TLCD4: variants seen among roughly 807,000 people sequenced by gnomAD.
TLCD4 encodes TLC domain containing 4, also known as TLC domain-containing protein 4.
Under a neutral mutation model 24.2 loss-of-function variants are expected in TLCD4, and 7 were observed. The observed-to-expected ratio is 0.29, with a 90% CI of 0.16 to 0.54. TLCD4 has a LOEUF of 0.54. Ranked by LOEUF, TLCD4 falls within the 20% of genes least tolerant of loss-of-function variation. The probability of loss-of-function intolerance (pLI) is 0.95; values close to 1 mark genes in which losing one functional copy is unlikely to be tolerated. For synonymous variants in TLCD4, 103 were observed against 106.4 expected, an observed-to-expected ratio of 0.97 and a Z score of 0.20; for missense variants, 259 against 313.9, an observed-to-expected ratio of 0.82 and a Z score of 1.32.
upstream of TLCD4, among the ~76,000 whole-genome samples, chr1:95,114,095 T>C (rs1217531649): frequency 2.0e-5 from 3 of 152,236 alleles, no homozygotes; most frequent in Non-Finnish European, 2.9e-5. Context: ...GGTCTCACTC[T>C]GTTACCCAGG....
chr1:95,185,169 CTCCTT>C (rs1678787899), intron 6 of TLCD4, among the ~76,000 whole-genome samples: 1 of 151,940 alleles, frequency 6.6e-6, no homozygotes. Context: ...ATGTCTGACT[CTCCTT>C]TCAAAAAACT....
chr1:95,162,450 T>C (rs936649320), intron 5 of TLCD4, among the ~76,000 whole-genome samples: 1 of 151,568 alleles, frequency 6.6e-6, no homozygotes, highest in Non-Finnish European at 1.5e-5. Flanking sequence ...CTTGACTCTT[T>C]ATCCAATTTG....
At chr1:95,169,010 GTC>G (rs1483094655) in intron 5 of TLCD4, among the ~76,000 whole-genome samples, 1 of 152,230 alleles carries the variant, frequency 6.6e-6, no homozygotes, top group African/African-American at 2.4e-5. Context: ...GAGCTGTGCA[GTC>G]TGGGGTGGGT....
At chr1:95,112,941 C>T (rs1483142801), upstream of TLCD4, among the ~76,000 whole-genome samples, 1 of 152,072 alleles carries the variant, frequency 6.6e-6, no homozygotes, top group African/African-American at 2.4e-5. Context: ...GTCTTAAACT[C>T]CTGACCTCAA....
chr1:95,114,142 C>T (rs1020815973), upstream of TLCD4, among the ~76,000 whole-genome samples: 6 of 152,196 alleles, frequency 3.9e-5, no homozygotes, highest in Non-Finnish European at 7.3e-5. Flanking sequence ...TCACTGCAGC[C>T]TCCAACTCCT....
intron 5 of TLCD4, among the ~76,000 whole-genome samples, chr1:95,173,081 A>G (rs1000217721): frequency 1.1e-4 from 17 of 152,360 alleles, no homozygotes; most frequent in African/African-American, 4.1e-4. Flanking sequence ...ATTTAGCTCC[A>G]GGATCTTCTG....
chr1:95,112,564 T>C (rs1676360588), upstream of TLCD4, among the ~76,000 whole-genome samples: 1 of 152,214 alleles, frequency 6.6e-6, no homozygotes, highest in African/African-American at 2.4e-5. Context: ...GAGTGGGAAC[T>C]AGAAAGGCAT....
chr1:95,097,488 GGTTTGTATC>G, the TLCD4 span, among the ~76,000 whole-genome samples: 2 of 152,218 alleles, frequency 1.3e-5, no homozygotes, highest in African/African-American at 4.8e-5. Context: ...GTGAGATACT[GGTTTGTATC>G]AAAAAATGTG....
chr1:95,165,393 A>C (rs1276916616), intron 5 of TLCD4, among the ~76,000 whole-genome samples: 1 of 151,924 alleles, frequency 6.6e-6, no homozygotes, highest in Non-Finnish European at 1.5e-5. Flanking sequence ...TCATTTGTGC[A>C]CATGAATAAT....
chr1:95,176,742 T>C (rs1055256242), intron 6 of TLCD4, among the ~76,000 whole-genome samples: 2 of 152,186 alleles, frequency 1.3e-5, no homozygotes, highest in African/African-American at 4.8e-5. Context: ...CCTGAAGCCT[T>C]CCCCCTATAT....
chr1:95,182,203 A>C (rs1019994566), intron 6 of TLCD4, among the ~76,000 whole-genome samples: 118 of 147,720 alleles, frequency 8.0e-4, no homozygotes, highest in African/African-American at 2.8e-3. Context: ...TGACAAGCCC[A>C]CTTTTTTTTT....
chr1:95,131,903 C>G (rs1260152337), intron 1 of TLCD4, among the ~76,000 whole-genome samples: 1 of 152,162 alleles, frequency 6.6e-6, no homozygotes. Context: ...GCAGATCCCT[C>G]ATGAGTGGCT....
intron 6 of TLCD4, among the ~76,000 whole-genome samples, chr1:95,189,932 T>C (rs1008881022): frequency 6.6e-6 from 1 of 152,216 alleles, no homozygotes; most frequent in African/African-American, 2.4e-5. Flanking sequence ...TTATGCCTGC[T>C]AAACTGTCTT....
At chr1:95,134,660 AG>A (rs1212810128) in intron 1 of TLCD4, among the ~76,000 whole-genome samples, 1 of 152,190 alleles carries the variant, frequency 6.6e-6, no homozygotes, top group African/African-American at 2.4e-5. Flanking sequence ...GGTAGAGGAT[AG>A]ATCTCTGCAG....
intron 6 of TLCD4, among the ~76,000 whole-genome samples, chr1:95,178,234 A>G (rs1411707861): frequency 2.0e-5 from 3 of 151,604 alleles, no homozygotes; most frequent in African/African-American, 7.3e-5. Context: ...GGTGTGAGCC[A>G]CTGCACCCGG....
intron 6 of TLCD4, among the ~76,000 whole-genome samples, chr1:95,185,052 C>CTT (rs1230850990): frequency 1.3e-5 from 2 of 149,396 alleles, no homozygotes; most frequent in African/African-American, 4.9e-5. Context: ...TTAAATTATA[C>CTT]TTTAAGTTTT....
chr1:95,131,619 T>C (rs958365075), intron 1 of TLCD4, among the ~76,000 whole-genome samples: 3 of 152,234 alleles, frequency 2.0e-5, no homozygotes, highest in African/African-American at 7.2e-5. Flanking sequence ...AGAAATGTGA[T>C]GATAGTAGCT....
At chr1:95,181,090 C>G (rs1201725269) in intron 6 of TLCD4, among the ~76,000 whole-genome samples, 1 of 151,922 alleles carries the variant, frequency 6.6e-6, no homozygotes, top group Non-Finnish European at 1.5e-5. Context: ...GAGTGAGACT[C>G]TGTCTCAGAA....
rs1356773663 is a variant in TLCD4, at chr1:95,193,955, C to G, written c.*2087C>G. 1 of 151,818 alleles carries G rather than the reference C, an allele frequency of 6.6e-6. No homozygotes were observed. Among genetic ancestry groups the G allele is most frequent in the East Asian group, 1.9e-4 (1 of 5,180 alleles). 9.4% of individuals were successfully genotyped at this position (151,818 alleles called of 1,614,324 possible). On this transcript the variant is annotated 3_prime_UTR_variant, in exon 7 of 7. Coordinates refer to ENST00000370203, the MANE Select transcript of TLCD4 (RefSeq NM_152487.3). The stretch of plus-strand genomic sequence containing the variant: ...GAAATTCATTCTTTTAGAAAGAGAC[C>G]TTGAGATAAATATTTTTTGACTCTG...
Sources: gnomAD v4.1 joint callset for allele counts (sites outside exome capture counted in the v4.1 genomes callset) on GRCh38, gnomAD v4.1.1 for gene constraint, MANE v1.5 for transcripts, NCBI Gene and HGNC (gene_info 2026-07-23, HGNC 2026-07-21) for gene names.